Variants in MED13L observed in about 807,000 individuals in gnomAD.
MED13L encodes mediator complex subunit 13L.
MED13L carries 7 observed loss-of-function variants against 220.9 expected under a neutral mutation model. The ratio of observed to expected loss-of-function variants is 0.03; its 90% CI spans 0.02 to 0.06. The LOEUF is 0.06. MED13L is among the 10% of genes least tolerant of loss of function. The pLI is 1.00. For missense variants in MED13L, 1,965 were observed against 2,760.5 expected (o/e 0.71, Z 6.46); for synonymous variants, 1,011 against 1,015.2 (o/e 1.00, Z 0.08).
At chr12:116,203,363 T>C (rs1882119735) in intron 2 of MED13L, among the ~76,000 whole-genome samples, 1 of 152,070 alleles carries the variant, frequency 6.6e-6, no homozygotes, top group Admixed American at 6.5e-5. Flanking sequence ...TACTTGATGC[T>C]AGAAACAGTA....
At position 115,977,331 on chromosome 12, in the gene MED13L, C is replaced by T. The variant is rs148153310; in HGVS notation, c.5365-1593G>A. On this transcript the variant is annotated intron_variant, in intron 23 of 30. Transcript: ENST00000281928. ...ACTTTGAAAATAATATAACCCAACTCATTCATTCATCATAGGGATTCAAAA... is the reference window on the plus strand; with the variant it reads ...ACTTTGAAAATAATATAACCCAACTTATTCATTCATCATAGGGATTCAAAA... 1.5e-3 allele frequency among the ~76,000 whole-genome samples: 236 copies of T among 152,308 alleles called. 2 individuals are homozygous for T. The highest frequency in any genetic ancestry group is 5.2e-3 in the African/African-American group (218 of 41,572).
chr12:115,969,991 T>C (rs1565984533), intron 27 of MED13L, among the ~76,000 whole-genome samples: 1 of 152,206 alleles, frequency 6.6e-6, no homozygotes, highest in Non-Finnish European at 1.5e-5. Context: ...TGTTATTCTA[T>C]TGTAATCATA....
chr12:116,176,269 T>C (rs1001274352), intron 2 of MED13L, among the ~76,000 whole-genome samples: 5 of 152,208 alleles, frequency 3.3e-5, no homozygotes, highest in African/African-American at 1.2e-4. Flanking sequence ...TCCTTTATAC[T>C]GTTGTTGAAT....
At chr12:116,125,029 A>G (rs1875457672) in intron 2 of MED13L, among the ~76,000 whole-genome samples, 1 of 152,242 alleles carries the variant, frequency 6.6e-6, no homozygotes, top group Non-Finnish European at 1.5e-5. Context: ...TTTCTACAAC[A>G]CTATTGATTT....
At chr12:116,261,243 C>A (rs1211283558) in intron 1 of MED13L, among the ~76,000 whole-genome samples, 1 of 152,156 alleles carries the variant, frequency 6.6e-6, no homozygotes, top group Non-Finnish European at 1.5e-5. Context: ...TGCCTGTAAT[C>A]CCAGCACTTT....
intron 4 of MED13L, among the ~76,000 whole-genome samples, chr12:116,050,387 C>CA (rs1868382171): frequency 6.6e-6 from 1 of 152,060 alleles, no homozygotes; most frequent in African/African-American, 2.4e-5. Flanking sequence ...CAGGTATCAT[C>CA]AATACTAAAA....
chr12:116,062,029 A>G (rs1869539767), intron 4 of MED13L, among the ~76,000 whole-genome samples: 2 of 150,994 alleles, frequency 1.3e-5, no homozygotes. Flanking sequence ...AAAAAAAAGG[A>G]AGGAAAATTC....
intron 1 of MED13L, among the ~76,000 whole-genome samples, chr12:116,260,064 A>G (rs71469756): frequency 0.093 from 14,094 of 152,228 alleles, 740 homozygotes; most frequent in East Asian, 0.22. Flanking sequence ...AACATGGACA[A>G]ATGTTTTACA....
chr12:116,227,538 T>C (rs1318958740), intron 2 of MED13L, among the ~76,000 whole-genome samples: 2 of 152,330 alleles, frequency 1.3e-5, no homozygotes, highest in African/African-American at 4.8e-5. Flanking sequence ...TTCATTATTA[T>C]AATATCTGTT....
intron 2 of MED13L, among the ~76,000 whole-genome samples, chr12:116,210,342 T>C (rs1593168747): frequency 1.3e-5 from 2 of 152,096 alleles, no homozygotes; most frequent in South Asian, 2.1e-4. Context: ...CACAATTACA[T>C]TCTTAAAGGA....
chr12:116,227,032 C>T (rs184808810), intron 2 of MED13L, among the ~76,000 whole-genome samples: 28 of 151,880 alleles, frequency 1.8e-4, no homozygotes, highest in African/African-American at 6.3e-4. Context: ...ATTTGCTCAG[C>T]CATCATAAAA....
intron 4 of MED13L, among the ~76,000 whole-genome samples, chr12:116,093,100 C>T (rs989304903): frequency 2.6e-5 from 4 of 152,040 alleles, no homozygotes; most frequent in African/African-American, 9.7e-5. Context: ...AAAACAAATG[C>T]CTTCCCAAGA....
rs373759269 is a variant in MED13L, at chr12:116,015,820, G to A, written c.1010-546C>T. On this transcript the variant is annotated intron_variant, in intron 7 of 30. Coordinates refer to ENST00000281928, the MANE Select transcript of MED13L (RefSeq NM_015335.5). The stretch of plus-strand genomic sequence containing the variant: ...AAGGTCAAATTTCAAATTTGTGTGT[G>A]GTACTGTTTGTCCTTATGCCTGACA... 3.9e-5 allele frequency among the ~76,000 whole-genome samples: 6 copies of A among 152,262 alleles called. No homozygotes were observed. The East Asian group carries it at 9.6e-4, about 24-fold the overall frequency.
At chr12:116,150,851 GTTTAATTTTC>G (rs1302307088) in intron 2 of MED13L, among the ~76,000 whole-genome samples, 4 of 152,156 alleles carry the variant, frequency 2.6e-5, no homozygotes, top group Non-Finnish European at 5.9e-5. Flanking sequence ...TAGGTAGGTC[GTTTAATTTTC>G]TCAATCTAAG....
intron 3 of MED13L, among the ~76,000 whole-genome samples, chr12:116,107,515 T>C (rs1022707735): frequency 1.3e-5 from 2 of 152,228 alleles, no homozygotes; most frequent in African/African-American, 2.4e-5. Context: ...TACAGTAAAA[T>C]TGTTTTTCAA....
intron 2 of MED13L, among the ~76,000 whole-genome samples, chr12:116,185,333 A>G (rs1011741581): frequency 6.6e-5 from 10 of 152,042 alleles, no homozygotes; most frequent in Admixed American, 6.6e-4. Flanking sequence ...CTTGATCACT[A>G]TAACACAAGT....
At chr12:116,069,708 A>G (rs1351052178) in intron 4 of MED13L, among the ~76,000 whole-genome samples, 1 of 152,234 alleles carries the variant, frequency 6.6e-6, no homozygotes. Flanking sequence ...AAACTTTTTG[A>G]GCACCAACAT....
Position 115,986,305 on chromosome 12 carries a change from T to A in MED13L, c.4299A>T (p.Gly1433=), listed in dbSNP as rs1246464179. 2 of 1,614,022 alleles carry A rather than the reference T, an allele frequency of 1.2e-6. No individual in the cohort carries two copies. Among genetic ancestry groups the A allele is most frequent in the Non-Finnish European group, 1.7e-6 (2 of 1,180,026 alleles). The change falls in exon 19 of 31, where the codon GGA becomes GGT. Residue 1433 remains glycine (G), a synonymous_variant. Transcript: ENST00000281928. The part of the protein sequence containing the change: ...VCPENEALLE[G]AKTFFRDLSA... ...TCAAGTCCCTGAAGAAAGTTTTGGC[T>A]CCTTCGAGCAAGGCCTCATTTTCTG...
intron 2 of MED13L, among the ~76,000 whole-genome samples, chr12:116,183,108 C>T (rs910524665): frequency 6.6e-6 from 1 of 152,028 alleles, no homozygotes; most frequent in African/African-American, 2.4e-5. Context: ...TGTACCAAAG[C>T]CACATTTTAA....
Sources: gnomAD v4.1 joint callset for allele counts (sites outside exome capture counted in the v4.1 genomes callset) on GRCh38, gnomAD v4.1.1 for gene constraint, MANE v1.5 for transcripts, NCBI Gene and HGNC (gene_info 2026-07-23, HGNC 2026-07-21) for gene names.